Variants in GFRA2 observed in about 807,000 individuals in gnomAD.
GFRA2 encodes the protein GDNF family receptor alpha 2, also known as GDNF family receptor alpha-2.
Under a neutral mutation model 48.3 loss-of-function variants are expected in GFRA2, and 17 were observed. The ratio of observed to expected loss-of-function variants is 0.35; its 90% CI spans 0.24 to 0.53. The LOEUF is 0.53. Among genes scored for constraint, GFRA2 ranks in the 20% least tolerant of loss-of-function variants. The pLI is 0.93. For synonymous variants in GFRA2, 305 were observed against 257.2 expected, an observed-to-expected ratio of 1.19 and a Z score of -1.78; for missense variants, 660 against 637.3, an observed-to-expected ratio of 1.04 and a Z score of -0.38.
At chr8:21,760,902 A>T (rs7843315) in intron 3 of GFRA2, among the ~76,000 whole-genome samples, 12,116 of 152,190 alleles carry the variant, frequency 0.08, 593 homozygotes, top group Admixed American at 0.15. Flanking sequence ...TTCGAAAAGG[A>T]GGATGGTCAA....
intron 4 of GFRA2, among the ~76,000 whole-genome samples, chr8:21,747,482 G>A (rs1409158249): frequency 6.6e-6 from 1 of 152,098 alleles, no homozygotes; most frequent in Non-Finnish European, 1.5e-5. Flanking sequence ...GTAAGCAAAA[G>A]AGAAAAACCC....
chr8:21,775,115 T>G, intron 2 of GFRA2, 60 bp from the exon 3 acceptor site: 1 of 839,952 alleles, frequency 1.2e-6, no homozygotes, highest in Non-Finnish European at 2.1e-6. Context: ...TGCCGGCACT[T>G]AGCAAATCTG....
chr8:21,764,762 A>T (rs1447776717), intron 3 of GFRA2, among the ~76,000 whole-genome samples: 1 of 152,192 alleles, frequency 6.6e-6, no homozygotes, highest in Non-Finnish European at 1.5e-5. Context: ...CAACAGGTAC[A>T]AATGTGCCAC....
At chr8:21,705,203 C>A in intron 5 of GFRA2, 78 bp from the exon 6 acceptor site, 1 of 1,454,522 alleles carries the variant, frequency 6.9e-7, no homozygotes, top group South Asian at 1.3e-5. Context: ...CAACCCCAGG[C>A]ACAGCAGGGC....
chr8:21,769,116 TACC>T, intron 3 of GFRA2: 1 of 945,684 alleles, frequency 1.1e-6, no homozygotes, highest in Non-Finnish European at 1.3e-6. Flanking sequence ...AATGAGTATC[TACC>T]TGTTGCACCA....
intron 1 of GFRA2, among the ~76,000 whole-genome samples, chr8:21,783,464 A>G (rs999883379): frequency 3.3e-5 from 5 of 152,120 alleles, no homozygotes; most frequent in Non-Finnish European, 1.5e-5. Flanking sequence ...ACTGAGGCCC[A>G]AAGAAGGGTG....
At chr8:21,701,666 C>T (rs1376554276) in intron 7 of GFRA2, among the ~76,000 whole-genome samples, 1 of 152,190 alleles carries the variant, frequency 6.6e-6, no homozygotes, top group Non-Finnish European at 1.5e-5. Flanking sequence ...TGACCAAGCA[C>T]TTTCGCATGT....
At chr8:21,733,024 T>G (rs1804273058) in intron 4 of GFRA2, among the ~76,000 whole-genome samples, 1 of 151,940 alleles carries the variant, frequency 6.6e-6, no homozygotes, top group Non-Finnish European at 1.5e-5. Flanking sequence ...TGAGACAGAG[T>G]CAGGAGAGCC....
intron 3 of GFRA2, among the ~76,000 whole-genome samples, chr8:21,752,369 A>G (rs73537609): frequency 0.11 from 17,197 of 152,024 alleles, 3,022 homozygotes; most frequent in African/African-American, 0.38. Flanking sequence ...AGGAATCCAC[A>G]GGCCTCATCT....
intron 2 of GFRA2, among the ~76,000 whole-genome samples, chr8:21,804,794 T>C (rs9644097): frequency 0.22 from 33,942 of 152,052 alleles, 4,256 homozygotes; most frequent in East Asian, 0.34. Flanking sequence ...TCTGGGCTCA[T>C]AAGCTCTCCC....
rs767947492 is a variant in GFRA2 at position 21,750,682 on chromosome 8, G to A, written c.700C>T (p.Arg234Trp). 6.8e-6 allele frequency: 11 copies of A among 1,613,746 alleles called. No individual in the cohort carries two copies. Among genetic ancestry groups the A allele is most frequent in the East Asian group, 4.5e-5 (2 of 44,878 alleles). Residue 234 changes from arginine to tryptophan, a missense_variant, in exon 4 of 9, where the codon CGG becomes TGG. By Grantham distance (101) the Arg-to-Trp change is moderately radical. Transcript: ENST00000524240. This position sits in a 1 kb window ranked among gnomAD's most constrained non-coding sequence, Gnocchi z 5.7. ...CQDQACAERR[R>W]QTILPSCSYE... ...GAGCAGCTGGGCAGGATGGTTTGCC[G>A]GCGGCGCTCAGCGCACGCCTGGTCT...
chr8:21,725,151 A>G (rs1286457361), intron 4 of GFRA2, among the ~76,000 whole-genome samples: 1 of 152,254 alleles, frequency 6.6e-6, no homozygotes, highest in Non-Finnish European at 1.5e-5. Flanking sequence ...AGAACCAGCC[A>G]GTCTGGAGAG....
chr8:21,715,354 G>C (rs1803279022), intron 4 of GFRA2, among the ~76,000 whole-genome samples: 1 of 152,202 alleles, frequency 6.6e-6, no homozygotes, highest in African/African-American at 2.4e-5. Flanking sequence ...TGTCACCTAG[G>C]CTGGAGTGCA....
chr8:21,761,036 G>A (rs994789394), intron 3 of GFRA2, among the ~76,000 whole-genome samples: 3 of 152,076 alleles, frequency 2.0e-5, no homozygotes, highest in African/African-American at 7.2e-5. Context: ...TAGAGAAAGG[G>A]AGGGTCCAGG....
chr8:21,747,749 T>C (rs545607086), intron 4 of GFRA2, among the ~76,000 whole-genome samples: 1 of 134,142 alleles, frequency 7.5e-6, no homozygotes, highest in Non-Finnish European at 1.6e-5. Flanking sequence ...CTGCGGTCCA[T>C]CTTCCACCAC....
chr8:21,801,167 G>A (rs1807762930), intron 2 of GFRA2, among the ~76,000 whole-genome samples: 1 of 152,020 alleles, frequency 6.6e-6, no homozygotes, highest in Non-Finnish European at 1.5e-5. Context: ...GCTGCCCACA[G>A]TCCTCGCCAA....
intron 2 of GFRA2, among the ~76,000 whole-genome samples, chr8:21,794,266 G>A (rs1436564529): frequency 8.7e-4 from 85 of 97,678 alleles, no homozygotes; most frequent in Non-Finnish European, 1.5e-3. Flanking sequence ...TTTTTGAAAC[G>A]GAGTCTCACT....
At chr8:21,697,004 G>A (rs1405921781) in intron 7 of GFRA2, among the ~76,000 whole-genome samples, 8 of 131,736 alleles carry the variant, frequency 6.1e-5, no homozygotes, top group Non-Finnish European at 1.3e-4. Flanking sequence ...GAAGAGAGAG[G>A]GGACAGAGGG....
At chr8:21,722,480 G>A (rs1030066445) in intron 4 of GFRA2, among the ~76,000 whole-genome samples, 2 of 152,130 alleles carry the variant, frequency 1.3e-5, no homozygotes, top group African/African-American at 4.8e-5. Context: ...TTTCACAAAA[G>A]GGGCTTTACA....
Sources: gnomAD v4.1 joint callset for allele counts (sites outside exome capture counted in the v4.1 genomes callset) on GRCh38, gnomAD v4.1.1 for gene constraint, Gnocchi (gnomAD v3.1) non-coding constraint, MANE v1.5 for transcripts, NCBI Gene and HGNC (gene_info 2026-07-23, HGNC 2026-07-21) for gene names.